Variants in TYW1 observed in about 807,000 individuals in gnomAD.
The protein encoded by TYW1 is tRNA-yW synthesizing protein 1 homolog, also known as S-adenosyl-L-methionine-dependent tRNA 4-demethylwyosine synthase TYW1.
In TYW1, 46 loss-of-function variants were observed where a neutral mutation model predicts 96.2. The ratio of observed to expected loss-of-function variants is 0.48; its 90% CI spans 0.38 to 0.61. TYW1 has a LOEUF of 0.61. TYW1 is among the 20% of genes least tolerant of loss of function. The probability of loss-of-function intolerance (pLI) is 0.00; values close to 1 mark genes in which losing one functional copy is unlikely to be tolerated. For synonymous variants in TYW1, 274 were observed against 323.0 expected (o/e 0.85, Z 1.63); for missense variants, 684 against 909.6 (o/e 0.75, Z 3.19).
chr7:67,092,334 GCCCCTCTGTTC>G (rs1796748155), intron 11 of TYW1, among the ~76,000 whole-genome samples: 1 of 151,544 alleles, frequency 6.6e-6, no homozygotes, highest in Non-Finnish European at 1.5e-5. Flanking sequence ...CTCTCTCCTT[GCCCCTCTGTTC>G]TCAACGGAGA....
chr7:67,093,951 C>T (rs1796803916), intron 11 of TYW1, among the ~76,000 whole-genome samples: 1 of 152,166 alleles, frequency 6.6e-6, no homozygotes, highest in African/African-American at 2.4e-5. Context: ...ACCCATTACT[C>T]AAATAGTGAA....
At chr7:67,068,269 G>A (rs576701328) in intron 10 of TYW1, among the ~76,000 whole-genome samples, 19 of 152,210 alleles carry the variant, frequency 1.2e-4, no homozygotes, top group East Asian at 9.7e-4. Context: ...TGATCCGCCC[G>A]CCTTGGCCTC....
chr7:67,109,404 A>C (rs1291366813), intron 12 of TYW1, among the ~76,000 whole-genome samples: 1 of 151,952 alleles, frequency 6.6e-6, no homozygotes, highest in African/African-American at 2.4e-5. Context: ...TTCTCTGTGA[A>C]AACAATGAGA....
At chr7:67,228,560 T>A (rs1263861169) in intron 15 of TYW1, among the ~76,000 whole-genome samples, 1 of 152,208 alleles carries the variant, frequency 6.6e-6, no homozygotes, top group Non-Finnish European at 1.5e-5. Flanking sequence ...GACCATTTGC[T>A]TTTTAAATAA....
At chr7:67,148,559 G>A (rs1403065256) in intron 13 of TYW1, among the ~76,000 whole-genome samples, 2 of 151,106 alleles carry the variant, frequency 1.3e-5, no homozygotes, top group East Asian at 2.0e-4. Flanking sequence ...CCGAGTAGCT[G>A]GGACTACAGG....
intron 11 of TYW1, among the ~76,000 whole-genome samples, chr7:67,091,094 G>A (rs796443589): frequency 2.6e-5 from 4 of 152,252 alleles, no homozygotes; most frequent in African/African-American, 7.2e-5. Context: ...AAATCATGCT[G>A]TTATAAAGAC....
At chr7:67,047,040 C>T (rs1795209171) in intron 7 of TYW1, among the ~76,000 whole-genome samples, 2 of 152,170 alleles carry the variant, frequency 1.3e-5, no homozygotes, top group Non-Finnish European at 2.9e-5. Flanking sequence ...TTGGATTTAT[C>T]TGGCCTTTGG....
At chr7:67,203,588 T>C (rs1414864650) in intron 15 of TYW1, among the ~76,000 whole-genome samples, 1 of 152,246 alleles carries the variant, frequency 6.6e-6, no homozygotes, top group East Asian at 1.9e-4. Flanking sequence ...ACTTAGAATA[T>C]CTTAGGTGTT....
chr7:67,123,075 C>T (rs1441388325), intron 13 of TYW1, among the ~76,000 whole-genome samples: 3 of 152,116 alleles, frequency 2.0e-5, no homozygotes, highest in East Asian at 1.9e-4. Context: ...AGGATGAGCT[C>T]GTCTCCCTTT....
intron 15 of TYW1, among the ~76,000 whole-genome samples, chr7:67,209,988 C>T (rs761745770): frequency 1.3e-5 from 2 of 152,000 alleles, no homozygotes; most frequent in Non-Finnish European, 2.9e-5. Context: ...TAGCATCTTA[C>T]GTTGGTGTGG....
chr7:67,067,323 A>C lies in TYW1; in HGVS notation c.1194A>C (p.Thr398=). 6.2e-7 allele frequency: 1 copy of C among 1,614,018 alleles called. No individual in the cohort carries two copies. Among genetic ancestry groups the C allele is most frequent in the South Asian group, 1.1e-5 (1 of 91,080 alleles). ...GGAGAGGAGGTTGTTACAAACACAC[A>C]TTCTATGGAATTGAGAGCCATCGCT... The part of the protein sequence containing the change: ...LRGRGGCYKH[T]FYGIESHRCM... The change falls in exon 10 of 16, where the codon ACA becomes ACC. Residue 398 remains threonine, a synonymous_variant. Transcript: ENST00000359626.
At chr7:67,195,098 G>T in intron 14 of TYW1, 72 bp from the exon 15 acceptor site, 1 of 1,545,376 alleles carries the variant, frequency 6.5e-7, no homozygotes, top group South Asian at 1.2e-5. Context: ...AGGTTTTCCG[G>T]CTCTGAAAGT....
intron 13 of TYW1, among the ~76,000 whole-genome samples, chr7:67,172,652 AC>A (rs1396692625): frequency 6.6e-6 from 1 of 152,030 alleles, no homozygotes; most frequent in African/African-American, 2.4e-5. Flanking sequence ...TGGACTCCTG[AC>A]CTCAGGGGAT....
chr7:67,205,097 C>A (rs28880309), intron 15 of TYW1, among the ~76,000 whole-genome samples: 23,302 of 151,906 alleles, frequency 0.15, 1,923 homozygotes, highest in African/African-American at 0.2. Flanking sequence ...TGTTAGGAGA[C>A]TCTGGATCTT....
At chr7:67,002,434 C>T (rs1353227450) in intron 3 of TYW1, among the ~76,000 whole-genome samples, 6 of 152,030 alleles carry the variant, frequency 3.9e-5, no homozygotes, top group Non-Finnish European at 7.4e-5. Context: ...CATATTTGGT[C>T]GTGTGTAGAA....
chr7:67,158,082 A>ATTTTTTTTTT (rs560215948), intron 13 of TYW1, among the ~76,000 whole-genome samples: 12 of 102,164 alleles, frequency 1.2e-4, no homozygotes, highest in Non-Finnish European at 1.7e-4. Flanking sequence ...TTTGCTGAGG[A>ATTTTTTTTTT]TTTTTTTTTT....
chr7:67,147,737 C>G (rs556684012), intron 13 of TYW1, among the ~76,000 whole-genome samples: 42 of 152,198 alleles, frequency 2.8e-4, no homozygotes, highest in African/African-American at 9.6e-4. Flanking sequence ...CCAACCATGT[C>G]CCTGCAAAGG....
At chr7:67,167,885 G>T (rs1198280645) in intron 13 of TYW1, among the ~76,000 whole-genome samples, 1 of 151,966 alleles carries the variant, frequency 6.6e-6, no homozygotes, top group East Asian at 1.9e-4. Context: ...CTCCCAAGTA[G>T]CTGGGATTAT....
At chr7:67,228,303 C>T (rs1200566591) in intron 15 of TYW1, among the ~76,000 whole-genome samples, 1 of 152,144 alleles carries the variant, frequency 6.6e-6, no homozygotes, top group Non-Finnish European at 1.5e-5. Context: ...CACATGGAGG[C>T]AGACAAGAGA....
Sources: allele counts gnomAD v4.1 joint callset (sites outside exome capture counted in the v4.1 genomes callset), GRCh38; gene constraint gnomAD v4.1.1; transcripts MANE v1.5; gene names NCBI Gene and HGNC (gene_info 2026-07-23, HGNC 2026-07-21).